The following PHYH variants were observed in gnomAD, a reference collection of about 807,000 sequenced individuals.
PHYH encodes phytanoyl-CoA dioxygenase, peroxisomal.
In PHYH, 32 loss-of-function variants were observed where a neutral mutation model predicts 38.5. The ratio of observed to expected loss-of-function variants is 0.83; its 90% CI spans 0.63 to 1.12. PHYH has a LOEUF of 1.12. Among genes scored for constraint, PHYH ranks in the 50% most tolerant of loss-of-function variants. The pLI is 0.00. For missense variants in PHYH, 426 were observed against 434.8 expected, an observed-to-expected ratio of 0.98 and a Z score of 0.18; for synonymous variants, 166 against 157.9, an observed-to-expected ratio of 1.05 and a Z score of -0.38.
intron 6 of PHYH, among the ~76,000 whole-genome samples, chr10:13,285,963 A>C (rs1365648007): frequency 6.6e-6 from 1 of 152,026 alleles, no homozygotes; most frequent in Non-Finnish European, 1.5e-5. Context: ...GCTGGAGTGC[A>C]GTGGCACCAA....
At chr10:13,280,042 C>T (rs981006264) in intron 8 of PHYH, among the ~76,000 whole-genome samples, 8 of 152,118 alleles carry the variant, frequency 5.3e-5, no homozygotes, top group Non-Finnish European at 1.2e-4. Context: ...GATCTCGGCT[C>T]ACTGCAAGCT....
chr10:13,295,809 G>C (rs988013134), intron 2 of PHYH, among the ~76,000 whole-genome samples: 3 of 149,236 alleles, frequency 2.0e-5, no homozygotes, highest in African/African-American at 7.4e-5. Flanking sequence ...TCCAGCATGG[G>C]CGACAGAGTG....
At chr10:13,290,115 C>CAAAAA (rs1172422242) in intron 5 of PHYH, among the ~76,000 whole-genome samples, 4 of 33,394 alleles carry the variant, frequency 1.2e-4, no homozygotes, top group East Asian at 1.2e-3. Flanking sequence ...CTAAAAATAC[C>CAAAAA]AAAAAAAAAA....
At chr10:13,299,881 C>T in intron 1 of PHYH, 87 bp downstream of exon 1, 1 of 1,429,784 alleles carries the variant, frequency 7.0e-7, no homozygotes. Flanking sequence ...CGTGCGACCC[C>T]GAGGCCTCCA....
chr10:13,280,097 T>C (rs1460002683), intron 8 of PHYH, among the ~76,000 whole-genome samples: 2 of 151,954 alleles, frequency 1.3e-5, no homozygotes, highest in African/African-American at 4.8e-5. Context: ...GCCTCCCGAG[T>C]AGCTGGGACT....
chr10:13,283,837 C>G lies in PHYH; in HGVS notation c.681G>C (p.Gly227=), dbSNP rs748113589. Residue 227 remains glycine, a splice_region_variant and synonymous_variant, in exon 7 of 9, where the codon GGG becomes GGC. Transcript: ENST00000263038. The part of the protein sequence containing the change: ...LKPHDYPKWE[G]GVNKMFHGIQ... ...TCCCGTGGAACATTTTGTTAACTCC[C>G]CCCTAGAACAAGAGGCAAGTGAAGT... is the stretch of plus-strand genomic sequence containing the variant. 1 of 1,613,464 alleles carries G rather than the reference C, an allele frequency of 6.2e-7. No homozygotes were observed. Among genetic ancestry groups the G allele is most frequent in the Non-Finnish European group, 8.5e-7 (1 of 1,179,612 alleles).
At chr10:13,292,160 A>C (rs1381943365) in intron 4 of PHYH, among the ~76,000 whole-genome samples, 1 of 152,184 alleles carries the variant, frequency 6.6e-6, no homozygotes, top group African/African-American at 2.4e-5. Flanking sequence ...TTTCTCTACA[A>C]GAAACATAGG....
In PHYH at chr10:13,286,699, CAAA is replaced by C. The variant is rs33995270; in HGVS notation, c.678+1658_678+1660del. 7.4e-3 allele frequency among the ~76,000 whole-genome samples: 860 copies of C among 116,746 alleles called. 13 individuals are homozygous for C. The highest frequency in any genetic ancestry group is 0.023 in the African/African-American group (751 of 32,414). 76.6% of individuals were successfully genotyped at this position (116,746 alleles called of 152,430 possible). The stretch of plus-strand genomic sequence containing the variant: ...CTGGTGACAGAGTGAGACTCTGTCT[CAAA>C]AAAAAAAAAAAAAACAACAAAAAAC... On this transcript the variant is annotated intron_variant, in intron 6 of 8. Transcript: ENST00000263038.
Position 13,283,868 on chromosome 10 carries a change from T to G in PHYH, c.679-29A>C, listed in dbSNP as rs756591923. 3.8e-6 allele frequency: 6 copies of G among 1,588,732 alleles called. No homozygotes were observed. In the East Asian group the frequency reaches 1.1e-4, roughly 30 times the overall value. On this transcript the variant is annotated intron_variant, in intron 6 of 8. Transcript: ENST00000263038. ...GAACAAGAGGCAAGTGAAGTCTACA[T>G]TTGAGGGAGTACCATAATTAAAAAC... is the stretch of plus-strand genomic sequence containing the variant.
At chr10:13,298,877 C>T (rs548261877) in intron 1 of PHYH, among the ~76,000 whole-genome samples, 6 of 143,354 alleles carry the variant, frequency 4.2e-5, no homozygotes, top group Admixed American at 2.1e-4. Context: ...TTGCAGAGTG[C>T]GGCACTGCAC....
In PHYH at chr10:13,298,327, G is replaced by A. The variant is rs1018782329; in HGVS notation, c.76-82C>T. 4 of 835,010 alleles carry A rather than the reference G, an allele frequency of 4.8e-6. No individual in the cohort carries two copies. In the African/African-American group the frequency reaches 5.1e-5, roughly 11 times the overall value. The allele number at this position is 835,010 out of a possible 1,614,324, so 51.7% of individuals were successfully genotyped here. A position where few individuals can be genotyped will look rare whatever the true frequency, so the allele number is the denominator to read the frequency against. ...CATGCCTGTAATTCCAGCACTTTGGGAGGCTGAGGCAGGAGGATTACTTGA... is the reference window on the plus strand; with the variant it reads ...CATGCCTGTAATTCCAGCACTTTGGAAGGCTGAGGCAGGAGGATTACTTGA... On this transcript the variant is annotated intron_variant, in intron 1 of 8. Transcript: ENST00000263038.
In PHYH at chr10:13,283,680, G is replaced by C; in HGVS notation, c.828+10C>G. ...ACTTCTGCAGCAGGTGCAGCAATGT[G>C]AATGCTTACCTTCCGGAATCCCTGG... On this transcript the variant is annotated intron_variant, in intron 7 of 8. Coordinates refer to ENST00000263038, the MANE Select transcript of PHYH (RefSeq NM_006214.4). 2 of 1,613,914 alleles carry C rather than the reference G, an allele frequency of 1.2e-6. No homozygotes were observed. The highest frequency in any genetic ancestry group is 1.7e-6 in the Non-Finnish European group (2 of 1,179,814).
chr10:13,288,623 A>T (rs1343822624), intron 5 of PHYH, 82 bp from the exon 6 acceptor site: 7 of 1,398,914 alleles, frequency 5.0e-6, no homozygotes, highest in Non-Finnish European at 7.1e-6. Flanking sequence ...TTTGGGATAT[A>T]AAAATATATC....
At chr10:13,281,272 A>T (rs1835408827) in intron 7 of PHYH, among the ~76,000 whole-genome samples, 162 bp from the exon 8 acceptor site, 1 of 152,202 alleles carries the variant, frequency 6.6e-6, no homozygotes, top group South Asian at 2.1e-4. Flanking sequence ...TTTGTAACTA[A>T]GCCTGTTTTT....
chr10:13,289,446 C>T (rs1835648784), intron 5 of PHYH, among the ~76,000 whole-genome samples: 1 of 152,056 alleles, frequency 6.6e-6, no homozygotes, highest in Non-Finnish European at 1.5e-5. Context: ...CCGCCCGCCT[C>T]GGCCTCCCAA....
rs369708626 is a variant in PHYH, at chr10:13,288,329, G to A, written c.678+31C>T. 63 of 1,603,280 alleles carry A rather than the reference G, an allele frequency of 3.9e-5. No homozygotes were observed. The African/African-American group carries it at 5.5e-4, about 14-fold the overall frequency. ...GAAACAGAAACTGCGAAGGAGATTC[G>A]GATCAAGACTCAGCCGCCGGGCAGA... On this transcript the variant is annotated intron_variant, in intron 6 of 8. Transcript: ENST00000263038.
In PHYH at chr10:13,295,523, A is replaced by G. The variant is rs1480253198; in HGVS notation, c.218T>C (p.Val73Ala). ...ENGFLVIKNL[V>A]PDADIQRFRN... The stretch of plus-strand genomic sequence containing the variant: ...AAAGCGTTGAATATCGGCATCAGGT[A>G]CAAGATTTTTGATTACTAGAAACCC... The change falls in exon 3 of 9, where the codon GTA (valine) becomes GCA (alanine). Residue 73 changes from valine to alanine, a missense_variant. Physicochemically the swap from Val to Ala is moderately conservative, Grantham distance 64 (BLOSUM62 0). Coordinates refer to ENST00000263038, the MANE Select transcript of PHYH (RefSeq NM_006214.4). The G allele has an allele frequency of 6.4e-7, 1 of 1,558,602 alleles. No individual in the cohort carries two copies. The highest frequency in any genetic ancestry group is 1.1e-5 in the South Asian group (1 of 89,894).
intron 1 of PHYH, among the ~76,000 whole-genome samples, chr10:13,298,924 AT>A (rs1472529400): frequency 0.018 from 284 of 15,540 alleles, 4 homozygotes; most frequent in South Asian, 0.15. Flanking sequence ...CGTCTCAAAA[AT>A]AATAATAATA....
At chr10:13,282,993 TC>T (rs140256459) in intron 7 of PHYH, among the ~76,000 whole-genome samples, 42,611 of 151,270 alleles carry the variant, frequency 0.28, 6,529 homozygotes, top group African/African-American at 0.42. Flanking sequence ...AGTGATTTTT[TC>T]TTTTTTAGTA....
Sources: allele counts gnomAD v4.1 joint callset (sites outside exome capture counted in the v4.1 genomes callset), GRCh38; gene constraint gnomAD v4.1.1; transcripts MANE v1.5; gene names NCBI Gene and HGNC (gene_info 2026-07-23, HGNC 2026-07-21).